The following EMC2 variants were observed in gnomAD, a reference collection of about 807,000 sequenced individuals.
The protein encoded by EMC2 is ER membrane protein complex subunit 2.
Under a neutral mutation model 51.6 loss-of-function variants are expected in EMC2, and 37 were observed. That is an observed-to-expected ratio of 0.72 (90% CI 0.55 to 0.94). EMC2 has a LOEUF of 0.94. Among genes scored for constraint, EMC2 ranks in the 40% least tolerant of loss-of-function variants. The pLI is 0.00. For missense variants in EMC2, 359 were observed against 350.9 expected, an observed-to-expected ratio of 1.02 and a Z score of -0.18; for synonymous variants, 131 against 112.4, an observed-to-expected ratio of 1.17 and a Z score of -1.04.
chr8:108,448,779 G>A (rs565809485), intron 1 of EMC2, among the ~76,000 whole-genome samples: 1 of 151,812 alleles, frequency 6.6e-6, no homozygotes, highest in South Asian at 2.1e-4. Flanking sequence ...TATCTTCTGG[G>A]GCTTTTTGTT....
intron 5 of EMC2, among the ~76,000 whole-genome samples, chr8:108,467,372 C>T (rs1325964011): frequency 1.3e-5 from 2 of 150,060 alleles, no homozygotes; most frequent in Non-Finnish European, 1.5e-5. Context: ...TTTTTGAGAC[C>T]GAGTCTCGCT....
At chr8:108,444,807 T>C (rs1015222998) in intron 1 of EMC2, among the ~76,000 whole-genome samples, 1 of 152,204 alleles carries the variant, frequency 6.6e-6, no homozygotes, top group African/African-American at 2.4e-5. Flanking sequence ...ACAGTGTTGA[T>C]TTCTTACTGC....
At chr8:108,464,068 C>G (rs932701936) in intron 5 of EMC2, 43 of 152,306 alleles carry the variant, frequency 2.8e-4, no homozygotes, top group African/African-American at 8.7e-4. Flanking sequence ...CAGACTGTGA[C>G]GTGGGAATTA....
intron 5 of EMC2, among the ~76,000 whole-genome samples, chr8:108,462,213 T>TTGTGTGTGTGTGTGTG (rs1819343504): frequency 8.2e-6 from 1 of 122,578 alleles, no homozygotes; most frequent in East Asian, 3.5e-4. Flanking sequence ...TGTGTGTGTT[T>TTGTGTGTGTGTGTGTG]TGTGTGCGTG....
intron 9 of EMC2, among the ~76,000 whole-genome samples, chr8:108,477,866 G>A (rs1032887947): frequency 6.6e-6 from 1 of 151,970 alleles, no homozygotes; most frequent in Admixed American, 6.6e-5. Flanking sequence ...CAATAAATCC[G>A]CACATCAACT....
At chr8:108,448,822 C>T (rs1463097770) in intron 1 of EMC2, among the ~76,000 whole-genome samples, 1 of 152,014 alleles carries the variant, frequency 6.6e-6, no homozygotes, top group East Asian at 1.9e-4. Flanking sequence ...TTAAAATTGA[C>T]ATATAAAATT....
At chr8:108,457,360 G>C (rs1819195071) in intron 5 of EMC2, among the ~76,000 whole-genome samples, 1 of 139,242 alleles carries the variant, frequency 7.2e-6, no homozygotes, top group African/African-American at 2.5e-5. Flanking sequence ...GTGTGTGTGT[G>C]TGTGTGTGTG....
At chr8:108,449,784 G>T in intron 1 of EMC2, 39 bp from the exon 2 acceptor site, 1 of 898,560 alleles carries the variant, frequency 1.1e-6, no homozygotes, top group South Asian at 1.4e-5. Context: ...GTGTGTGTCT[G>T]GGTACATATA....
intron 10 of EMC2, among the ~76,000 whole-genome samples, chr8:108,480,491 G>C (rs1327965088): frequency 6.6e-6 from 1 of 152,136 alleles, no homozygotes; most frequent in Non-Finnish European, 1.5e-5. Flanking sequence ...TGAATGGCCA[G>C]TCTGTCTTAG....
chr8:108,456,264 C>T (rs1819152019), intron 5 of EMC2, among the ~76,000 whole-genome samples: 1 of 132,450 alleles, frequency 7.6e-6, no homozygotes, highest in African/African-American at 2.9e-5. Context: ...ACCTGGGTGG[C>T]AGAGGTTGCA....
chr8:108,478,726 G>GA (rs1810991359), intron 9 of EMC2, among the ~76,000 whole-genome samples: 2 of 151,710 alleles, frequency 1.3e-5, no homozygotes, highest in African/African-American at 4.8e-5. Context: ...AAATGATATG[G>GA]AATTTTACCT....
At position 108,469,791 on chromosome 8, in the gene EMC2, T is replaced by G. The variant is rs762908717; in HGVS notation, c.364-35T>G. 3.2e-6 allele frequency: 5 copies of G among 1,556,480 alleles called. No individual in the cohort carries two copies. The South Asian group carries it at 3.4e-5, about 11-fold the overall frequency. ...TTCTTTACAAAACCCCAAGGAATCA[T>G]AAGGGCCTAATCCTTTATTAATGTC... On this transcript the variant is annotated intron_variant, in intron 5 of 10. Coordinates refer to ENST00000220853, the MANE Select transcript of EMC2 (RefSeq NM_014673.5).
intron 7 of EMC2, 92 bp downstream of exon 7, chr8:108,470,213 G>A: frequency 1.3e-6 from 1 of 767,504 alleles, no homozygotes; most frequent in South Asian, 1.6e-5. Flanking sequence ...TTGGTGAGAG[G>A]GTGTGAATCA....
intron 5 of EMC2, among the ~76,000 whole-genome samples, chr8:108,468,448 TTTTTTTA>T (rs1472077804): frequency 2.0e-5 from 3 of 152,110 alleles, no homozygotes; most frequent in Non-Finnish European, 4.4e-5. Context: ...ATATAGATTC[TTTTTTTA>T]TTTTTTATTT....
chr8:108,475,509 A>G (rs1386116808), intron 7 of EMC2: 1 of 159,628 alleles, frequency 6.3e-6, no homozygotes, highest in Non-Finnish European at 1.4e-5. Flanking sequence ...TAGCTGTTTG[A>G]ATATTTTTTT....
chr8:108,476,969 C>G (rs1399191076), intron 9 of EMC2, 77 bp downstream of exon 9: 1 of 688,652 alleles, frequency 1.5e-6, no homozygotes, highest in African/African-American at 1.8e-5. Flanking sequence ...CCTTCAATCA[C>G]TCCTCTCCTG....
chr8:108,484,580 A>AT (rs971369636), intron 10 of EMC2, among the ~76,000 whole-genome samples: 3 of 151,978 alleles, frequency 2.0e-5, no homozygotes, highest in South Asian at 2.1e-4. Flanking sequence ...GCTCTACATA[A>AT]TTTTTTTTAT....
intron 5 of EMC2, among the ~76,000 whole-genome samples, chr8:108,461,770 A>G (rs2130367718): frequency 6.7e-6 from 1 of 149,994 alleles, no homozygotes; most frequent in African/African-American, 2.4e-5. Context: ...ATGATATGGT[A>G]AAAAAAAAAT....
intron 5 of EMC2, among the ~76,000 whole-genome samples, chr8:108,468,669 T>A (rs1473750600): frequency 6.6e-6 from 1 of 152,144 alleles, no homozygotes; most frequent in African/African-American, 2.4e-5. Flanking sequence ...ACCACATCCA[T>A]TTTACTTCTG....
Sources: allele counts gnomAD v4.1 joint callset (sites outside exome capture counted in the v4.1 genomes callset), GRCh38; gene constraint gnomAD v4.1.1; transcripts MANE v1.5; gene names NCBI Gene and HGNC (gene_info 2026-07-23, HGNC 2026-07-21).